The following TRAF5 variants were observed in gnomAD, a reference collection of about 807,000 sequenced individuals.
TRAF5 encodes TNF receptor associated factor 5.
In TRAF5, 48 loss-of-function variants were observed where a neutral mutation model predicts 64.5. The ratio of observed to expected loss-of-function variants is 0.74; its 90% CI spans 0.59 to 0.95. The LOEUF is 0.95. Ranked by LOEUF, TRAF5 falls within the 40% of genes least tolerant of loss-of-function variation. TRAF5 has a pLI of 0.00. For missense variants in TRAF5, 545 were observed against 662.8 expected (o/e 0.82, Z 1.95); for synonymous variants, 206 against 240.5 (o/e 0.86, Z 1.33).
intron 4 of TRAF5, chr1:211,358,003 A>G (rs1703023695): frequency 6.6e-6 from 1 of 152,210 alleles, no homozygotes; most frequent in Non-Finnish European, 1.5e-5. Context: ...CTCCTCTCCA[A>G]TAAAACTTTA....
At chr1:211,358,075 T>C (rs1368086679) in intron 4 of TRAF5, 2 of 152,160 alleles carry the variant, frequency 1.3e-5, no homozygotes, top group Non-Finnish European at 2.9e-5. Flanking sequence ...AATTTTGTCT[T>C]AAAGGACCCT....
chr1:211,359,021 A>G (rs906855146), intron 4 of TRAF5: 1 of 151,938 alleles, frequency 6.6e-6, no homozygotes, highest in Non-Finnish European at 1.5e-5. Context: ...ATCATAGCTC[A>G]CTGCAGCCTC....
At chr1:211,346,112 A>C (rs1702599031) in intron 1 of TRAF5, among the ~76,000 whole-genome samples, 1 of 152,182 alleles carries the variant, frequency 6.6e-6, no homozygotes, top group South Asian at 2.1e-4. Context: ...CTTCATCTAG[A>C]AAATGCCTCC....
rs991270504 is a variant in TRAF5 at position 211,359,656 on chromosome 1, A to G, written c.379-256A>G. On this transcript the variant is annotated intron_variant, in intron 4 of 10. Coordinates refer to ENST00000261464, the MANE Select transcript of TRAF5 (RefSeq NM_001033910.3). ...ACTTGGTGTACTTCCCTCTTCACCT[A>G]TCTTCCCCTGTCCTCTGAATTTCCC... The G allele has an allele frequency of 1.4e-5, 6 of 414,278 alleles. No homozygotes were observed. In the East Asian group the frequency reaches 1.9e-4, roughly 13 times the overall value. 25.7% of individuals were successfully genotyped at this position (414,278 alleles called of 1,614,324 possible).
chr1:211,333,436 C>T (rs962672712), intron 1 of TRAF5, among the ~76,000 whole-genome samples: 5 of 151,720 alleles, frequency 3.3e-5, no homozygotes, highest in African/African-American at 9.7e-5. Flanking sequence ...CGATCCACTC[C>T]CCCCCCACTC....
chr1:211,350,172 A>G (rs1452369190), intron 1 of TRAF5, among the ~76,000 whole-genome samples: 1 of 152,004 alleles, frequency 6.6e-6, no homozygotes, highest in Non-Finnish European at 1.5e-5. Flanking sequence ...CACTAGGGAA[A>G]AGGTGGAGCT....
At chr1:211,363,708 A>G (rs34318448) in intron 7 of TRAF5, among the ~76,000 whole-genome samples, 25,357 of 152,082 alleles carry the variant, frequency 0.17, 2,244 homozygotes, top group African/African-American at 0.23. Flanking sequence ...CATGAGCACA[A>G]TTGTCCAGCT....
intron 3 of TRAF5, among the ~76,000 whole-genome samples, chr1:211,355,050 G>A (rs1458894686): frequency 6.6e-6 from 1 of 152,016 alleles, no homozygotes; most frequent in East Asian, 1.9e-4. Flanking sequence ...GTGCATGTCT[G>A]TAATCCCAGC....
chr1:211,351,031 C>CTT lies in TRAF5; in HGVS notation c.-1-2190_-1-2189dup, dbSNP rs11426853. Among the ~76,000 whole-genome samples the CTT allele has an allele frequency of 6.9e-3, 797 of 115,996 alleles. 19 individuals carry two copies. Among genetic ancestry groups the CTT allele is most frequent in the East Asian group, 0.023 (91 of 3,964 alleles). The allele number at this position is 115,996 out of a possible 152,430, so 76.1% of individuals were successfully genotyped here. A position where few individuals can be genotyped will look rare whatever the true frequency, so the allele number is the denominator to read the frequency against. On this transcript the variant is annotated intron_variant, in intron 1 of 10. Coordinates refer to ENST00000261464, the MANE Select transcript of TRAF5 (RefSeq NM_001033910.3). ...CTGCTCTCTCTGTCTCTGGCCTCTT[C>CTT]TTTTTTTTTTTTTTTTTTTGAGACG... is the stretch of plus-strand genomic sequence containing the variant.
chr1:211,328,487 A>G (rs916016362), intron 1 of TRAF5, among the ~76,000 whole-genome samples: 6 of 152,154 alleles, frequency 3.9e-5, no homozygotes, highest in Non-Finnish European at 5.9e-5. Flanking sequence ...TGTGACGGGC[A>G]GGGTAGGATG....
chr1:211,366,032 G>A (rs1703341997), intron 8 of TRAF5, among the ~76,000 whole-genome samples: 2 of 152,208 alleles, frequency 1.3e-5, no homozygotes, highest in Non-Finnish European at 2.9e-5. Flanking sequence ...GAAATTATAT[G>A]CAAATGCCTG....
intron 1 of TRAF5, among the ~76,000 whole-genome samples, chr1:211,336,638 G>T (rs978549330): frequency 2.0e-5 from 3 of 152,226 alleles, no homozygotes; most frequent in African/African-American, 7.2e-5. Context: ...CACCTGTCAT[G>T]TGCACTGTTT....
chr1:211,360,654 A>C, intron 5 of TRAF5, 48 bp from the exon 6 acceptor site: 2 of 1,447,794 alleles, frequency 1.4e-6, no homozygotes, highest in African/African-American at 2.8e-5. Flanking sequence ...AATCACTGTG[A>C]GGCCATGAAA....
At chr1:211,333,254 A>G (rs562046505) in intron 1 of TRAF5, among the ~76,000 whole-genome samples, 2 of 151,720 alleles carry the variant, frequency 1.3e-5, no homozygotes, top group South Asian at 4.2e-4. Flanking sequence ...AGTGGCGCCA[A>G]CTCGGCTCAC....
intron 1 of TRAF5, among the ~76,000 whole-genome samples, chr1:211,342,747 T>C (rs1034903147): frequency 1.3e-5 from 2 of 152,232 alleles, no homozygotes; most frequent in Admixed American, 6.5e-5. Context: ...AACAAGAACA[T>C]GTGAAGCTTG....
chr1:211,359,756 C>G, intron 4 of TRAF5, 156 bp from the exon 5 acceptor site: 7 of 721,694 alleles, frequency 9.7e-6, no homozygotes, highest in Non-Finnish European at 1.6e-5. Context: ...AGACAGTGGG[C>G]AGCATCCCCT....
At position 211,359,944 on chromosome 1, in the gene TRAF5, G is replaced by A; in HGVS notation, c.411G>A (p.Val137=). ...TTCAGCAGTGCTTATTTCAACCTGT[G>A]CAGTGTTCTAATGAGAAGTGCCGGG... The part of the protein sequence containing the change: ...DHLQQCLFQP[V]QCSNEKCREP... The change falls in exon 5 of 11, where the codon GTG becomes GTA. Residue 137 remains valine, a synonymous_variant. Coordinates refer to ENST00000261464, the MANE Select transcript of TRAF5 (RefSeq NM_001033910.3). The A allele has an allele frequency of 6.2e-7, 1 of 1,614,050 alleles. No individual in the cohort carries two copies. Among genetic ancestry groups the A allele is most frequent in the Non-Finnish European group, 8.5e-7 (1 of 1,179,908 alleles).
intron 9 of TRAF5, among the ~76,000 whole-genome samples, 159 bp downstream of exon 9, chr1:211,369,751 C>T (rs1265701907): frequency 2.6e-5 from 4 of 152,212 alleles, no homozygotes; most frequent in African/African-American, 9.6e-5. Flanking sequence ...CCCTGATTCA[C>T]TCATGGCCAA....
In TRAF5 at chr1:211,338,464, G is replaced by A. The variant is rs753342264; in HGVS notation, c.-2+11575G>A. 3.2e-4 allele frequency among the ~76,000 whole-genome samples: 48 copies of A among 152,204 alleles called. 1 individual carries two copies. Among genetic ancestry groups the A allele is most frequent in the South Asian group, 4.1e-4 (2 of 4,832 alleles). On this transcript the variant is annotated intron_variant, in intron 1 of 10. Transcript: ENST00000261464. ...CTCCACTCCCATAATACAATAGGGC[G>A]CAGACTTTGCATGTGACCGGCACTG...
Sources: allele counts gnomAD v4.1 joint callset (sites outside exome capture counted in the v4.1 genomes callset), GRCh38; gene constraint gnomAD v4.1.1; transcripts MANE v1.5; gene names NCBI Gene and HGNC (gene_info 2026-07-23, HGNC 2026-07-21).